NKAIN2: variants seen among roughly 807,000 people sequenced by gnomAD.
The protein encoded by NKAIN2 is sodium/potassium transporting ATPase interacting 2, also known as sodium/potassium-transporting ATPase subunit beta-1-interacting protein 2.
NKAIN2 carries 14 observed loss-of-function variants against 32.6 expected under a neutral mutation model. The observed-to-expected ratio is 0.43, with a 90% CI of 0.28 to 0.67. NKAIN2 has a LOEUF of 0.67. NKAIN2 is among the 30% of genes least tolerant of loss of function. The pLI, the probability that NKAIN2 is intolerant of heterozygous loss-of-function variation, is 0.17. For missense variants in NKAIN2, 198 were observed against 258.3 expected, an observed-to-expected ratio of 0.77 and a Z score of 1.60; for synonymous variants, 80 against 87.2, an observed-to-expected ratio of 0.92 and a Z score of 0.46.
intron 1 of NKAIN2, among the ~76,000 whole-genome samples, chr6:124,163,237 A>G (rs1366959209): frequency 6.6e-6 from 1 of 152,006 alleles, no homozygotes; most frequent in African/African-American, 2.4e-5. Context: ...AAATAAATAT[A>G]CTGTAGTTAA....
At chr6:124,533,129 T>C (rs1394468846) in intron 3 of NKAIN2, among the ~76,000 whole-genome samples, 1 of 152,124 alleles carries the variant, frequency 6.6e-6, no homozygotes, top group Non-Finnish European at 1.5e-5. Flanking sequence ...TGATCTACTA[T>C]TTTTTATCTA....
intron 3 of NKAIN2, among the ~76,000 whole-genome samples, chr6:124,608,777 CG>C (rs1156412783): frequency 6.6e-6 from 1 of 152,116 alleles, no homozygotes; most frequent in Admixed American, 6.6e-5. Context: ...CGACCTCACT[CG>C]GGGCAACAGA....
At chr6:123,950,277 G>T (rs1777265412) in intron 1 of NKAIN2, among the ~76,000 whole-genome samples, 1 of 151,720 alleles carries the variant, frequency 6.6e-6, no homozygotes, top group Admixed American at 6.6e-5. Context: ...GTGTGTGTGT[G>T]CTTTTCTCGT....
chr6:124,640,162 T>C (rs1275453387), intron 3 of NKAIN2, among the ~76,000 whole-genome samples: 1 of 152,038 alleles, frequency 6.6e-6, no homozygotes, highest in African/African-American at 2.4e-5. Flanking sequence ...CGAGTCATAA[T>C]TTCTGACTAT....
At chr6:124,414,016 CGTTT>C (rs1309196888) in intron 3 of NKAIN2, among the ~76,000 whole-genome samples, 29 of 137,454 alleles carry the variant, frequency 2.1e-4, no homozygotes, top group Non-Finnish European at 1.3e-4. Flanking sequence ...ATACTTTGTT[CGTTT>C]GTTTTTTTTT....
chr6:123,896,890 A>T (rs150994781), intron 1 of NKAIN2, among the ~76,000 whole-genome samples: 13 of 152,286 alleles, frequency 8.5e-5, no homozygotes, highest in African/African-American at 2.9e-4. Flanking sequence ...AACTCAAAAG[A>T]TATAATTTTT....
intron 1 of NKAIN2, among the ~76,000 whole-genome samples, chr6:124,271,423 AG>A (rs1358047923): frequency 6.6e-6 from 1 of 152,120 alleles, no homozygotes; most frequent in Non-Finnish European, 1.5e-5. Context: ...TCACCATGTT[AG>A]CCGGGATGGT....
intron 1 of NKAIN2, among the ~76,000 whole-genome samples, chr6:123,978,528 A>T (rs1186596673): frequency 2.6e-5 from 4 of 152,226 alleles, no homozygotes. Flanking sequence ...GTGCTGATAC[A>T]TAGTGTGAAA....
At chr6:124,051,781 C>T (rs918022189) in intron 1 of NKAIN2, among the ~76,000 whole-genome samples, 10 of 151,948 alleles carry the variant, frequency 6.6e-5, no homozygotes, top group Non-Finnish European at 1.2e-4. Context: ...TGATGTTATC[C>T]TTGGTCTCTC....
chr6:124,452,195 GAAA>G (rs11300457), intron 3 of NKAIN2, among the ~76,000 whole-genome samples: 31 of 133,368 alleles, frequency 2.3e-4, no homozygotes, highest in Non-Finnish European at 3.5e-4. Flanking sequence ...ACATCATCTC[GAAA>G]AAAAAAAAAA....
At chr6:123,832,075 A>G (rs539765933) in intron 1 of NKAIN2, among the ~76,000 whole-genome samples, 202 of 152,272 alleles carry the variant, frequency 1.3e-3, no homozygotes, top group African/African-American at 4.3e-3. Flanking sequence ...ATCCATCATT[A>G]TAGTATCATG....
intron 1 of NKAIN2, among the ~76,000 whole-genome samples, chr6:123,962,079 A>G (rs1334466501): frequency 6.6e-6 from 1 of 152,200 alleles, no homozygotes; most frequent in South Asian, 2.1e-4. Flanking sequence ...TTTTATATGC[A>G]ATCGAACCAT....
chr6:124,105,640 C>T (rs1785083124), intron 1 of NKAIN2, among the ~76,000 whole-genome samples: 2 of 152,132 alleles, frequency 1.3e-5, no homozygotes, highest in South Asian at 2.1e-4. Context: ...TTAAGGGGCT[C>T]ATAGCCAGTC....
chr6:124,010,694 T>C (rs540905801), intron 1 of NKAIN2, among the ~76,000 whole-genome samples: 5 of 151,686 alleles, frequency 3.3e-5, no homozygotes, highest in African/African-American at 1.2e-4. Flanking sequence ...GAAGATTAAA[T>C]TGTGTGTGTG....
intron 1 of NKAIN2, among the ~76,000 whole-genome samples, chr6:123,848,367 A>G (rs111772055): frequency 0.016 from 2,383 of 152,318 alleles, 35 homozygotes; most frequent in African/African-American, 0.038. Context: ...CTTGAATTGT[A>G]GTTTCCATAA....
intron 3 of NKAIN2, among the ~76,000 whole-genome samples, chr6:124,648,680 G>T (rs1784263011): frequency 6.6e-6 from 1 of 152,108 alleles, no homozygotes; most frequent in South Asian, 2.1e-4. Context: ...AACAAAAAAG[G>T]CATTAAATGA....
intron 2 of NKAIN2, among the ~76,000 whole-genome samples, chr6:124,339,526 T>G (rs1430879370): frequency 6.6e-6 from 1 of 152,132 alleles, no homozygotes; most frequent in Non-Finnish European, 1.5e-5. Context: ...GCCACATTAG[T>G]CCAGTCTTTA....
At chr6:124,089,280 G>A (rs773986003) in intron 1 of NKAIN2, among the ~76,000 whole-genome samples, 43 of 151,720 alleles carry the variant, frequency 2.8e-4, no homozygotes, top group Non-Finnish European at 3.7e-4. Flanking sequence ...AGGCACATTA[G>A]TGTGAGTACC....
chr6:124,536,287 T>G (rs1397762616), intron 3 of NKAIN2, among the ~76,000 whole-genome samples: 2 of 152,146 alleles, frequency 1.3e-5, no homozygotes. Context: ...TATGATTTAT[T>G]TATTTGTTTA....
Sources: gnomAD v4.1 joint callset for allele counts (sites outside exome capture counted in the v4.1 genomes callset) on GRCh38, gnomAD v4.1.1 for gene constraint, MANE v1.5 for transcripts, NCBI Gene and HGNC (gene_info 2026-07-23, HGNC 2026-07-21) for gene names.